RSRC1: variants seen among roughly 807,000 people sequenced by gnomAD.
The protein encoded by RSRC1 is arginine and serine rich coiled-coil 1, also known as serine/Arginine-related protein 53.
In RSRC1, 39 loss-of-function variants were observed where a neutral mutation model predicts 49.1. The observed-to-expected ratio is 0.79, with a 90% CI of 0.61 to 1.04. The LOEUF (loss-of-function observed/expected upper bound fraction) is 1.04. RSRC1 is among the 50% of genes least tolerant of loss of function. RSRC1 has a pLI of 0.00. For missense variants in RSRC1, 388 were observed against 402.4 expected, an observed-to-expected ratio of 0.96 and a Z score of 0.31; for synonymous variants, 143 against 130.8, an observed-to-expected ratio of 1.09 and a Z score of -0.63.
chr3:158,330,443 C>T (rs1289540400), intron 5 of RSRC1, among the ~76,000 whole-genome samples: 1 of 152,110 alleles, frequency 6.6e-6, no homozygotes, highest in Admixed American at 6.5e-5. Flanking sequence ...AATCCTATGT[C>T]AAAGGGTATG....
rs1004513204 is a variant in RSRC1, at chr3:158,174,821, A to G, written c.321-28251A>G. On this transcript the variant is annotated intron_variant, in intron 3 of 9. Transcript: ENST00000611884. ...AGAATGGTACTAAAACCTTTTTGCT[A>G]CATGTCTCCTTTGCCTGTGCATTCA... is the stretch of plus-strand genomic sequence containing the variant. 3.9e-5 allele frequency among the ~76,000 whole-genome samples: 6 copies of G among 152,044 alleles called. No homozygotes were observed. In the South Asian group the frequency reaches 1.0e-3, roughly 26 times the overall value.
At chr3:158,297,460 A>G (rs1727295399) in intron 4 of RSRC1, among the ~76,000 whole-genome samples, 2 of 152,124 alleles carry the variant, frequency 1.3e-5, no homozygotes, top group East Asian at 3.9e-4. Flanking sequence ...TAAAATGATC[A>G]TAGGTCCTGA....
chr3:158,428,132 T>C (rs942289202), intron 6 of RSRC1, among the ~76,000 whole-genome samples: 4 of 151,742 alleles, frequency 2.6e-5, no homozygotes, highest in Non-Finnish European at 5.9e-5. Flanking sequence ...TATTGTTTGT[T>C]CTCCTTCCCT....
intron 4 of RSRC1, among the ~76,000 whole-genome samples, chr3:158,235,948 TC>T (rs1382511685): frequency 1.3e-5 from 2 of 152,050 alleles, no homozygotes; most frequent in Admixed American, 6.6e-5. Context: ...AAACCCTGCA[TC>T]TACTAAAAAT....
intron 4 of RSRC1, among the ~76,000 whole-genome samples, chr3:158,246,870 C>G (rs2108005147): frequency 6.6e-6 from 1 of 152,200 alleles, no homozygotes; most frequent in South Asian, 2.1e-4. Flanking sequence ...GGATGATCTT[C>G]TCATGGAGAA....
intron 5 of RSRC1, among the ~76,000 whole-genome samples, chr3:158,327,121 T>G (rs902649775): frequency 2.6e-5 from 4 of 152,226 alleles, no homozygotes; most frequent in Non-Finnish European, 5.9e-5. Flanking sequence ...TATTTGATTC[T>G]TCTCTCTTCT....
In RSRC1 at chr3:158,297,954, G is replaced by A. The variant is rs1366813971; in HGVS notation, c.495-85G>A. On this transcript the variant is annotated intron_variant, in intron 4 of 9. Coordinates refer to ENST00000611884, the MANE Select transcript of RSRC1 (RefSeq NM_001271838.2). ...GTAAATACATATGAAAAAATTACAA[G>A]GGTTTATAAAACATTTTTGAGGTAA... is the stretch of plus-strand genomic sequence containing the variant. The A allele has an allele frequency of 4.3e-6, 4 of 934,552 alleles. 1 individual carries two copies. In the Admixed American group the frequency reaches 8.0e-5, roughly 19 times the overall value. 57.9% of individuals were successfully genotyped at this position (934,552 alleles called of 1,614,324 possible).
At chr3:158,243,469 A>G (rs1478766987) in intron 4 of RSRC1, among the ~76,000 whole-genome samples, 2 of 152,034 alleles carry the variant, frequency 1.3e-5, no homozygotes, top group African/African-American at 4.8e-5. Context: ...TAATTTGAAG[A>G]CAGGTAGCAT....
At chr3:158,218,701 G>A (rs986762030) in intron 4 of RSRC1, among the ~76,000 whole-genome samples, 1 of 151,490 alleles carries the variant, frequency 6.6e-6, no homozygotes, top group South Asian at 2.1e-4. Context: ...TATTTTACTT[G>A]GACCTTGATG....
At chr3:158,200,213 A>T (rs552759797) in intron 3 of RSRC1, among the ~76,000 whole-genome samples, 68 of 151,686 alleles carry the variant, frequency 4.5e-4, no homozygotes, top group African/African-American at 1.5e-3. Context: ...AATTTTTTGT[A>T]TTTTTTAGTA....
chr3:158,473,937 T>C (rs1011071833), intron 7 of RSRC1, among the ~76,000 whole-genome samples: 1 of 152,224 alleles, frequency 6.6e-6, no homozygotes, highest in African/African-American at 2.4e-5. Context: ...TAAGTATTCT[T>C]ACTTAGGATA....
chr3:158,499,416 A>T (rs1034389300), intron 7 of RSRC1, among the ~76,000 whole-genome samples: 1 of 152,040 alleles, frequency 6.6e-6, no homozygotes, highest in Non-Finnish European at 1.5e-5. Context: ...AATTCTGTGA[A>T]GAATGATGGT....
rs1468482916 is a variant in RSRC1, at chr3:158,511,962, A to T, written c.653-25130A>T. Among the ~76,000 whole-genome samples the T allele has an allele frequency of 3.3e-5, 5 of 151,002 alleles. No homozygotes were observed. The East Asian group carries it at 9.7e-4, about 29-fold the overall frequency. Reference sequence around the variant, plus strand: ...GTTCATGTCCTTCGCCCACTTTTTGATGGGGTTGTTTTTTTCTTGTAAATT... The same window carrying T: ...GTTCATGTCCTTCGCCCACTTTTTGTTGGGGTTGTTTTTTTCTTGTAAATT... On this transcript the variant is annotated intron_variant, in intron 7 of 9. Transcript: ENST00000611884.
intron 7 of RSRC1, among the ~76,000 whole-genome samples, chr3:158,492,389 T>TTTTCAAACAG (rs1739121740): frequency 6.6e-6 from 1 of 152,234 alleles, no homozygotes; most frequent in South Asian, 2.1e-4. Flanking sequence ...CCATAATATA[T>TTTTCAAACAG]TTTCAAACAG....
At chr3:158,536,336 T>C (rs1395377353) in intron 7 of RSRC1, among the ~76,000 whole-genome samples, 1 of 151,378 alleles carries the variant, frequency 6.6e-6, no homozygotes, top group African/African-American at 2.4e-5. Flanking sequence ...AGATACATGA[T>C]TCAGATTCTT....
intron 3 of RSRC1, among the ~76,000 whole-genome samples, chr3:158,184,194 T>C (rs545268437): frequency 2.0e-5 from 3 of 152,240 alleles, no homozygotes; most frequent in Non-Finnish European, 2.9e-5. Flanking sequence ...TAGGTTGCCT[T>C]TGTTTCTTCT....
intron 6 of RSRC1, among the ~76,000 whole-genome samples, chr3:158,370,185 GA>G (rs1731989574): frequency 6.6e-6 from 1 of 151,884 alleles, no homozygotes; most frequent in Non-Finnish European, 1.5e-5. Context: ...TTAGGGTTAT[GA>G]AAAAATTGTT....
intron 3 of RSRC1, among the ~76,000 whole-genome samples, chr3:158,142,289 T>G (rs1325787442): frequency 6.6e-6 from 1 of 152,242 alleles, no homozygotes; most frequent in African/African-American, 2.4e-5. Flanking sequence ...TATTGACATT[T>G]CTCATCATCT....
intron 6 of RSRC1, among the ~76,000 whole-genome samples, chr3:158,387,986 A>C (rs1239787626): frequency 6.6e-6 from 1 of 152,112 alleles, no homozygotes; most frequent in African/African-American, 2.4e-5. Context: ...CATTTTTGGC[A>C]GGCTAAGAAA....
Sources: gnomAD v4.1 joint callset for allele counts (sites outside exome capture counted in the v4.1 genomes callset) on GRCh38, gnomAD v4.1.1 for gene constraint, MANE v1.5 for transcripts, NCBI Gene and HGNC (gene_info 2026-07-23, HGNC 2026-07-21) for gene names.